FGD6: variants seen among roughly 807,000 people sequenced by gnomAD.
FGD6 encodes FYVE, RhoGEF and PH domain-containing protein 6.
In FGD6, 90 loss-of-function variants were observed where a neutral mutation model predicts 149.4. The ratio of observed to expected loss-of-function variants is 0.60; its 90% CI spans 0.51 to 0.72. FGD6 has a LOEUF of 0.72. Ranked by LOEUF, FGD6 falls within the 30% of genes least tolerant of loss-of-function variation. The probability of loss-of-function intolerance (pLI) is 0.00; values close to 1 mark genes in which losing one functional copy is unlikely to be tolerated. For missense variants in FGD6, 1,437 were observed against 1,684.8 expected (o/e 0.85, Z 2.57); for synonymous variants, 527 against 584.0 (o/e 0.90, Z 1.41).
intron 3 of FGD6, among the ~76,000 whole-genome samples, chr12:95,157,157 C>T (rs938377232): frequency 1.3e-5 from 2 of 152,198 alleles, no homozygotes; most frequent in African/African-American, 4.8e-5. Flanking sequence ...TCTTCTTCCT[C>T]TGACAGAAGT....
At chr12:95,160,921 G>C (rs1368360887) in intron 3 of FGD6, among the ~76,000 whole-genome samples, 1 of 151,708 alleles carries the variant, frequency 6.6e-6, no homozygotes, top group Admixed American at 6.6e-5. Context: ...GGTGGCTCAT[G>C]CCTGTAATCT....
chr12:95,211,990 G>T (rs2056730321), intron 1 of FGD6, among the ~76,000 whole-genome samples: 1 of 152,092 alleles, frequency 6.6e-6, no homozygotes, highest in Non-Finnish European at 1.5e-5. Context: ...AATGATCAAT[G>T]ATCTGTCTAC....
At chr12:95,110,602 C>T (rs545315225) in intron 9 of FGD6, among the ~76,000 whole-genome samples, 64 of 152,036 alleles carry the variant, frequency 4.2e-4, no homozygotes, top group South Asian at 1.5e-3. Context: ...GTGATCCACC[C>T]GCCGCAGCCT....
intron 3 of FGD6, among the ~76,000 whole-genome samples, chr12:95,156,360 C>T (rs569518459): frequency 1.1e-4 from 16 of 151,778 alleles, no homozygotes; most frequent in Admixed American, 2.0e-4. Flanking sequence ...ATGGCTGCTT[C>T]GGGGCCGGCA....
At chr12:95,149,287 A>ATT (rs1251129019) in intron 5 of FGD6, among the ~76,000 whole-genome samples, 1 of 79,208 alleles carries the variant, frequency 1.3e-5, no homozygotes, top group Non-Finnish European at 2.3e-5. Context: ...TAGCATATAT[A>ATT]ATATTATATA....
chr12:95,212,004 G>A (rs1371852661), intron 1 of FGD6, among the ~76,000 whole-genome samples: 2 of 151,998 alleles, frequency 1.3e-5, no homozygotes, highest in East Asian at 3.9e-4. Context: ...TGTCTACCTC[G>A]ATAGATAGAA....
chr12:95,170,712 G>C (rs1880966749), intron 3 of FGD6, among the ~76,000 whole-genome samples: 1 of 152,142 alleles, frequency 6.6e-6, no homozygotes, highest in Non-Finnish European at 1.5e-5. Flanking sequence ...AAATACCAGT[G>C]GTACCTGGAA....
rs1877847132 is a variant in FGD6 at position 95,085,842 on chromosome 12, G to A, written c.4045C>T (p.Pro1349Ser). The A allele has an allele frequency of 6.2e-7, 1 of 1,613,650 alleles. No homozygotes were observed. The highest frequency in any genetic ancestry group is 1.3e-5 in the African/African-American group (1 of 74,872). Residue 1349 changes from proline to serine, a missense_variant, in exon 19 of 21, where the codon CCC (proline) becomes TCC (serine). Pro to Ser is a moderately conservative substitution (Grantham distance 74). Transcript: ENST00000343958. ...YLYRSKGNKK[P>S]WKHFWFVIKN... ...ATGACAAACCAAAAGTGTTTCCAGG[G>A]TTTTTTATTGCCCTTTGATCTGTAC...
intron 6 of FGD6, among the ~76,000 whole-genome samples, chr12:95,140,583 C>T (rs1158135452): frequency 6.6e-6 from 1 of 152,124 alleles, no homozygotes; most frequent in Non-Finnish European, 1.5e-5. Flanking sequence ...TGCCATTGCA[C>T]TCCAGCCTGG....
At chr12:95,187,203 C>T (rs553234467) in intron 2 of FGD6, among the ~76,000 whole-genome samples, 1 of 151,084 alleles carries the variant, frequency 6.6e-6, no homozygotes, top group African/African-American at 2.4e-5. Context: ...TGGTGGCAGG[C>T]GCCTGTAGTC....
At position 95,089,611 on chromosome 12, in the gene FGD6, T is replaced by A; in HGVS notation, c.3936A>T (p.Pro1312=). The change falls in exon 18 of 21, where the codon CCA becomes CCT. Residue 1312 remains proline (P), a synonymous_variant. Coordinates refer to ENST00000343958, the MANE Select transcript of FGD6 (RefSeq NM_018351.4). ...SALSSVLHSI[P]SGRKQKKIPA... is the part of the protein sequence containing the mutation. Reference sequence around the variant, plus strand: ...GGATTTTTTTCTGTTTCCTCCCTGATGGAATGCTATGTAAGACTGATGATA... The same window carrying A: ...GGATTTTTTTCTGTTTCCTCCCTGAAGGAATGCTATGTAAGACTGATGATA... 6.2e-7 allele frequency: 1 copy of A among 1,613,920 alleles called. No individual in the cohort carries two copies. Among genetic ancestry groups the A allele is most frequent in the Non-Finnish European group, 8.5e-7 (1 of 1,179,858 alleles).
At chr12:95,103,976 G>A (rs187760770) in intron 14 of FGD6, among the ~76,000 whole-genome samples, 1 of 152,208 alleles carries the variant, frequency 6.6e-6, no homozygotes, top group Non-Finnish European at 1.5e-5. Flanking sequence ...TCATAGGTTT[G>A]TTAGAACCTT....
intron 14 of FGD6, chr12:95,100,889 G>A: frequency 2.7e-6 from 1 of 374,692 alleles, no homozygotes; most frequent in Non-Finnish European, 5.2e-6. Context: ...ATGGGTGTCA[G>A]AGCTTATGGT....
chr12:95,208,980 A>G lies in FGD6; in HGVS notation c.2304T>C (p.Ala768=). 6.2e-7 allele frequency: 1 copy of G among 1,614,094 alleles called. No individual in the cohort carries two copies. Among genetic ancestry groups the G allele is most frequent in the Non-Finnish European group, 8.5e-7 (1 of 1,180,034 alleles). The change falls in exon 2 of 21, where the codon GCT becomes GCC. Residue 768 remains alanine, a synonymous_variant. Coordinates refer to ENST00000343958, the MANE Select transcript of FGD6 (RefSeq NM_018351.4). ...PEYENLPFIM[A]IRKTQELEWQ... is the part of the protein sequence containing the mutation. ...ATTCCAACTCTTGAGTTTTCCGTAT[A>G]GCCATAATAAATGGCAAGTTCTCGT... is the stretch of plus-strand genomic sequence containing the variant.
chr12:95,196,740 G>T (rs1327107737), intron 2 of FGD6, among the ~76,000 whole-genome samples: 1 of 151,512 alleles, frequency 6.6e-6, no homozygotes, highest in Admixed American at 6.6e-5. Context: ...CCCAGACTCA[G>T]GTGATCTTCC....
intron 19 of FGD6, 123 bp from the exon 20 acceptor site, chr12:95,084,769 T>C: frequency 2.5e-6 from 2 of 792,284 alleles, no homozygotes; most frequent in Non-Finnish European, 3.6e-6. Context: ...TAATGATAAT[T>C]CTAACAACTT....
chr12:95,155,046 G>GT (rs1880426193), intron 3 of FGD6, among the ~76,000 whole-genome samples: 2 of 151,878 alleles, frequency 1.3e-5, no homozygotes, highest in Non-Finnish European at 2.9e-5. Flanking sequence ...ATAGATGCAG[G>GT]TTTAACAATG....
rs372804327 is a variant in FGD6 at position 95,154,810 on chromosome 12, A to C, written c.2587-1817T>G. Reference sequence around the variant, plus strand: ...TTAATGAAATGCCACAGGAAAAAAAAATATGGTAGCAACTTCTCTCTAAAG... The same window carrying C: ...TTAATGAAATGCCACAGGAAAAAAACATATGGTAGCAACTTCTCTCTAAAG... On this transcript the variant is annotated intron_variant, in intron 3 of 20. Transcript: ENST00000343958. Among the ~76,000 whole-genome samples, 18 of 152,324 alleles carry C rather than the reference A, an allele frequency of 1.2e-4. No individual in the cohort carries two copies. The East Asian group carries it at 3.1e-3, about 26-fold the overall frequency.
chr12:95,092,636 C>A, intron 16 of FGD6, 63 bp downstream of exon 16: 1 of 1,517,424 alleles, frequency 6.6e-7, no homozygotes. Context: ...AATATGCTTC[C>A]TCACTATGTA....
Sources: gnomAD v4.1 joint callset for allele counts (sites outside exome capture counted in the v4.1 genomes callset) on GRCh38, gnomAD v4.1.1 for gene constraint, MANE v1.5 for transcripts, NCBI Gene and HGNC (gene_info 2026-07-23, HGNC 2026-07-21) for gene names.